The following DUS2 variants were observed in gnomAD, a reference collection of about 807,000 sequenced individuals.
DUS2 encodes tRNA-dihydrouridine(20) synthase [NAD(P)+]-like.
In DUS2, 52 loss-of-function variants were observed where a neutral mutation model predicts 71.3. The ratio of observed to expected loss-of-function variants is 0.73; its 90% CI spans 0.58 to 0.92. DUS2 has a LOEUF of 0.92. Ranked by LOEUF, DUS2 falls within the 40% of genes least tolerant of loss-of-function variation. The probability of loss-of-function intolerance (pLI) is 0.00; values close to 1 mark genes in which losing one functional copy is unlikely to be tolerated. For synonymous variants in DUS2, 204 were observed against 227.8 expected, an observed-to-expected ratio of 0.90 and a Z score of 0.94; for missense variants, 558 against 622.6, an observed-to-expected ratio of 0.90 and a Z score of 1.10.
intron 2 of DUS2, among the ~76,000 whole-genome samples, chr16:68,032,919 A>G (rs910258483): frequency 6.8e-6 from 1 of 147,020 alleles, no homozygotes; most frequent in African/African-American, 2.6e-5. Flanking sequence ...AAAAAAAAAA[A>G]AAAAAAAAAA....
At chr16:68,035,875 C>A (rs2033512027) in intron 2 of DUS2, among the ~76,000 whole-genome samples, 1 of 121,460 alleles carries the variant, frequency 8.2e-6, no homozygotes, top group Non-Finnish European at 1.6e-5. Flanking sequence ...CCACCACATC[C>A]CGCTAATTTT....
intron 2 of DUS2, among the ~76,000 whole-genome samples, chr16:68,035,913 T>C (rs868766419): frequency 1.5e-5 from 1 of 65,762 alleles, no homozygotes; most frequent in African/African-American, 4.7e-5. Flanking sequence ...TATATATATA[T>C]ATATATATAT....
chr16:68,064,643 C>G (rs540773131), intron 8 of DUS2, among the ~76,000 whole-genome samples: 5 of 152,120 alleles, frequency 3.3e-5, no homozygotes, highest in Non-Finnish European at 5.9e-5. Context: ...GTCAGTCCCG[C>G]CCTTAAAATG....
In DUS2 at chr16:68,034,372, C is replaced by T. The variant is rs150208362; in HGVS notation, c.-18-3634C>T. ...CTAAGATAACTGGCGTGAGCCATTGCCTGTCTTTTTATTATTTTTATTTTT... is the reference window on the plus strand; with the variant it reads ...CTAAGATAACTGGCGTGAGCCATTGTCTGTCTTTTTATTATTTTTATTTTT... On this transcript the variant is annotated intron_variant, in intron 2 of 16. Coordinates refer to ENST00000565263, the MANE Select transcript of DUS2 (RefSeq NM_017803.5). Among the ~76,000 whole-genome samples the T allele has an allele frequency of 5.7e-4, 86 of 152,202 alleles. No individual in the cohort carries two copies. The East Asian group carries it at 0.014, about 25-fold the overall frequency.
chr16:68,078,365 C>T, intron 15 of DUS2, 80 bp from the exon 16 acceptor site: 2 of 1,340,094 alleles, frequency 1.5e-6, no homozygotes, highest in Non-Finnish European at 2.1e-6. Flanking sequence ...TTCCTTTTAT[C>T]TGCCTTTGAT....
intron 10 of DUS2, 79 bp downstream of exon 10, chr16:68,066,715 C>G (rs995039134): frequency 3.5e-4 from 483 of 1,395,772 alleles, no homozygotes; most frequent in Non-Finnish European, 4.7e-4. Flanking sequence ...ATCTGTCACC[C>G]CAAGTGACAG....
chr16:68,025,118 C>T (rs2033327856), intron 1 of DUS2, among the ~76,000 whole-genome samples: 1 of 152,150 alleles, frequency 6.6e-6, no homozygotes, highest in Non-Finnish European at 1.5e-5. Context: ...GTGTGAGCCG[C>T]TGTGCCCGGC....
intron 3 of DUS2, among the ~76,000 whole-genome samples, chr16:68,046,264 G>A (rs539737170): frequency 1.3e-5 from 2 of 152,194 alleles, no homozygotes; most frequent in East Asian, 1.9e-4. Flanking sequence ...TGTACCCAAT[G>A]CTTAGCTCCT....
intron 8 of DUS2, among the ~76,000 whole-genome samples, chr16:68,062,474 C>T (rs539369340): frequency 6.6e-6 from 1 of 151,852 alleles, no homozygotes; most frequent in Non-Finnish European, 1.5e-5. Context: ...AATCCCAGCA[C>T]TTTGGGAGGC....
intron 3 of DUS2, among the ~76,000 whole-genome samples, chr16:68,038,899 T>A (rs531240406): frequency 1.6e-4 from 24 of 149,394 alleles, no homozygotes; most frequent in African/African-American, 5.9e-4. Context: ...TAAAAAAATT[T>A]ATATATTAAA....
At chr16:68,070,044 A>G (rs2034061350) in intron 10 of DUS2, 90 bp from the exon 11 acceptor site, 1 of 1,163,422 alleles carries the variant, frequency 8.6e-7, no homozygotes, top group Non-Finnish European at 1.3e-6. Context: ...TTCAGTGGGG[A>G]GGACAGTAAG....
Position 68,053,604 on chromosome 16 carries a change from A to G in DUS2, c.213A>G (p.Arg71=). The G allele has an allele frequency of 6.2e-7, 1 of 1,614,168 alleles. No homozygotes were observed. Among genetic ancestry groups the G allele is most frequent in the African/African-American group, 1.3e-5 (1 of 75,040 alleles). Reference sequence around the variant, plus strand: ...TGGACTTTGTCGCCCCTGATGATCGAGTTGTCTTCCGCACCTGTGAAAGAG... The same window carrying G: ...TGGACTTTGTCGCCCCTGATGATCGGGTTGTCTTCCGCACCTGTGAAAGAG... ...STVDFVAPDD[R]VVFRTCEREQ... The change falls in exon 5 of 17, where the codon CGA becomes CGG. Residue 71 remains arginine, a synonymous_variant. Coordinates refer to ENST00000565263, the MANE Select transcript of DUS2 (RefSeq NM_017803.5).
At chr16:68,066,718 A>C (rs887215143) in intron 10 of DUS2, 82 bp downstream of exon 10, 2 of 1,352,620 alleles carry the variant, frequency 1.5e-6, no homozygotes, top group African/African-American at 2.9e-5. Context: ...TGTCACCCCA[A>C]GTGACAGCCA....
intron 8 of DUS2, among the ~76,000 whole-genome samples, chr16:68,065,091 T>C (rs963647404): frequency 1.3e-5 from 2 of 152,206 alleles, no homozygotes; most frequent in Non-Finnish European, 1.5e-5. Context: ...TATCTCTGAT[T>C]CTTGTGTGGT....
chr16:68,061,178 C>T (rs372151693), intron 8 of DUS2, 65 bp downstream of exon 8: 37 of 1,512,518 alleles, frequency 2.4e-5, no homozygotes, highest in East Asian at 1.1e-4. Flanking sequence ...TTGTCTAGAA[C>T]GCCTCCTTCC....
chr16:68,034,527 TA>T (rs1310850311), intron 2 of DUS2, among the ~76,000 whole-genome samples: 7 of 152,306 alleles, frequency 4.6e-5, no homozygotes, highest in African/African-American at 7.2e-5. Context: ...TAATTTTATT[TA>T]TTTTTTTATT....
Position 68,053,805 on chromosome 16 carries a change from A to G in DUS2, c.264+150A>G, listed in dbSNP as rs1342474304. The G allele has an allele frequency of 1.1e-5, 8 of 727,168 alleles. No homozygotes were observed. In the Admixed American group the frequency reaches 1.3e-4, roughly 11 times the overall value. The allele number at this position is 727,168 out of a possible 1,614,324, so 45.0% of individuals were successfully genotyped here. A position where few individuals can be genotyped will look rare whatever the true frequency, so the allele number is the denominator to read the frequency against. On this transcript the variant is annotated intron_variant, in intron 5 of 16. Transcript: ENST00000565263. ...GATTCTGCTTTAATGTTTTCCAAAG[A>G]GCCAGTCATGAGTAATTATACTATT...
intron 8 of DUS2, among the ~76,000 whole-genome samples, chr16:68,062,737 A>T (rs1167639508): frequency 6.6e-6 from 1 of 151,732 alleles, no homozygotes; most frequent in Non-Finnish European, 1.5e-5. Context: ...AAAAAAAAAA[A>T]AAAGATCATA....
In DUS2 at chr16:68,041,610, C is replaced by T. The variant is rs534366483; in HGVS notation, c.126+3461C>T. On this transcript the variant is annotated intron_variant, in intron 3 of 16. Transcript: ENST00000565263. ...GGTGGATCACCTGAGGTCAGGAGTT[C>T]GAGACTAGCCTGGCCAGCATGGTGA... Among the ~76,000 whole-genome samples the T allele has an allele frequency of 5.3e-5, 8 of 152,016 alleles. No individual in the cohort carries two copies. In the East Asian group the frequency reaches 1.2e-3, roughly 22 times the overall value.
Sources: gnomAD v4.1 joint callset for allele counts (sites outside exome capture counted in the v4.1 genomes callset) on GRCh38, gnomAD v4.1.1 for gene constraint, MANE v1.5 for transcripts, NCBI Gene and HGNC (gene_info 2026-07-23, HGNC 2026-07-21) for gene names.